The following PCTP variants were observed in gnomAD, a reference collection of about 807,000 sequenced individuals.
PCTP encodes the protein START domain-containing protein 2.
In PCTP, 27 loss-of-function variants were observed where a neutral mutation model predicts 31.0. That is an observed-to-expected ratio of 0.87 (90% confidence interval 0.64 to 1.20). PCTP has a LOEUF of 1.20. Among genes scored for constraint, PCTP ranks in the 50% most tolerant of loss-of-function variants. The pLI is 0.00. For synonymous variants in PCTP, 108 were observed against 101.2 expected (o/e 1.07, Z -0.40); for missense variants, 287 against 268.2 (o/e 1.07, Z -0.49).
chr17:55,760,652 A>G (rs1030572162), intron 1 of PCTP, among the ~76,000 whole-genome samples: 2 of 152,186 alleles, frequency 1.3e-5, no homozygotes, highest in African/African-American at 4.8e-5. Context: ...GATAATATTC[A>G]TCTTTCTCTA....
intron 1 of PCTP, among the ~76,000 whole-genome samples, chr17:55,760,382 G>A (rs1300098637): frequency 1.3e-5 from 2 of 152,128 alleles, no homozygotes; most frequent in Non-Finnish European, 2.9e-5. Flanking sequence ...TATTTACTAA[G>A]TACTTATTAT....
At chr17:55,763,481 A>G (rs1006885918) in intron 1 of PCTP, among the ~76,000 whole-genome samples, 13 of 152,040 alleles carry the variant, frequency 8.6e-5, no homozygotes, top group Admixed American at 7.2e-4. Context: ...ATTATTCTAT[A>G]CAAACATAAA....
chr17:55,834,223 A>T (rs1905703299), intron 5 of PCTP, among the ~76,000 whole-genome samples: 1 of 152,154 alleles, frequency 6.6e-6, no homozygotes, highest in African/African-American at 2.4e-5. Context: ...GTTCTGAGGT[A>T]CATGTGCAGG....
At chr17:55,821,747 T>C (rs1305962139) in intron 3 of PCTP, among the ~76,000 whole-genome samples, 1 of 152,216 alleles carries the variant, frequency 6.6e-6, no homozygotes, top group South Asian at 2.1e-4. Context: ...AGTTAGGATT[T>C]TAACTCATTT....
chr17:55,847,777 C>A (rs1399824568), downstream of PCTP, among the ~76,000 whole-genome samples: 3 of 152,088 alleles, frequency 2.0e-5, no homozygotes, highest in Admixed American at 2.0e-4. Context: ...GGGGGGTCAG[C>A]CTTTTTGTTC....
Position 55,789,360 on chromosome 17 carries a change from C to A in PCTP, c.317+1706C>A, listed in dbSNP as rs377474372. Among the ~76,000 whole-genome samples, 27 of 152,270 alleles carry A rather than the reference C, an allele frequency of 1.8e-4. 2 individuals are homozygous for A. Among genetic ancestry groups the A allele is most frequent in the South Asian group, 1.0e-3 (5 of 4,822 alleles). ...TCAGAAGATATGAATTCATCCATAA[C>A]CTTCAAGTTTCCTTTTTGTTCAGAT... On this transcript the variant is annotated intron_variant, in intron 3 of 3. Transcript: ENST00000572536.
intron 2 of PCTP, among the ~76,000 whole-genome samples, chr17:55,787,119 G>A (rs1309500509): frequency 6.6e-6 from 1 of 151,474 alleles, no homozygotes; most frequent in Non-Finnish European, 1.5e-5. Context: ...GACTACCTCC[G>A]AACATCGATC....
chr17:55,794,747 C>A (rs977173079), intron 3 of PCTP, among the ~76,000 whole-genome samples: 49 of 151,952 alleles, frequency 3.2e-4, no homozygotes, highest in Non-Finnish European at 5.7e-4. Flanking sequence ...CATTTTGACC[C>A]TTTGTGTGAG....
chr17:55,850,596 T>C, the PCTP span, among the ~76,000 whole-genome samples: 1 of 145,520 alleles, frequency 6.9e-6, no homozygotes, highest in African/African-American at 2.6e-5. Flanking sequence ...CTAGCATTTA[T>C]GCAAAGATCT....
chr17:55,817,455 T>TG (rs1912961325), intron 3 of PCTP, among the ~76,000 whole-genome samples: 3 of 152,204 alleles, frequency 2.0e-5, no homozygotes, highest in Non-Finnish European at 4.4e-5. Flanking sequence ...GAAATGACCA[T>TG]CTTGTGCTTT....
rs538195548 is a variant in PCTP at position 55,812,689 on chromosome 17, G to A, written c.318-10072G>A. Among the ~76,000 whole-genome samples the A allele has an allele frequency of 2.0e-5, 3 of 152,338 alleles. No individual in the cohort carries two copies. In the South Asian group the frequency reaches 6.2e-4, roughly 32 times the overall value. ...GAACGTTACACTCACAGACTCTGAG[G>A]AAGATGATGGATTTGTTGAGATGGA... is the stretch of plus-strand genomic sequence containing the variant. On this transcript the variant is annotated intron_variant, in intron 3 of 3. Transcript: ENST00000572536.
chr17:55,751,078 G>A lies in PCTP; in HGVS notation c.-26G>A. ...AAGGGTGTCCGCGGCCTGCCCTCCA[G>A]GCGGAGGAGCCCGGACTGCGGAAGG... is the stretch of plus-strand genomic sequence containing the variant. On this transcript the variant is annotated 5_prime_UTR_variant, in exon 1 of 6. Coordinates refer to ENST00000268896, the MANE Select transcript of PCTP (RefSeq NM_021213.4). 7 of 1,509,596 alleles carry A rather than the reference G, an allele frequency of 4.6e-6. No homozygotes were observed. Among genetic ancestry groups the A allele is most frequent in the Non-Finnish European group, 6.2e-6 (7 of 1,130,298 alleles). 93.5% of individuals were successfully genotyped at this position (1,509,596 alleles called of 1,614,324 possible). A position where few individuals can be genotyped will look rare whatever the true frequency, so the allele number is the denominator to read the frequency against.
chr17:55,763,352 G>A lies in PCTP; in HGVS notation c.142-3983G>A, dbSNP rs1410079560. On this transcript the variant is annotated intron_variant, in intron 1 of 5. Transcript: ENST00000268896. ...GAACTGGTGAGAGTACACACTTGGTGCACACGTTCTGCAAGGTTTGTAAAA... is the reference window on the plus strand; with the variant it reads ...GAACTGGTGAGAGTACACACTTGGTACACACGTTCTGCAAGGTTTGTAAAA... Among the ~76,000 whole-genome samples the A allele has an allele frequency of 6.6e-5, 10 of 152,132 alleles. No homozygotes were observed. The East Asian group carries it at 1.5e-3, about 24-fold the overall frequency.
chr17:55,788,341 G>T (rs117872203), intron 3 of PCTP, among the ~76,000 whole-genome samples: 1,875 of 152,188 alleles, frequency 0.012, 16 homozygotes, highest in Non-Finnish European at 0.017. Flanking sequence ...GTGAATTGTG[G>T]TTCCTTCCTT....
intron 2 of PCTP, chr17:55,769,375 C>T (rs1405244416): frequency 6.6e-6 from 1 of 152,248 alleles, no homozygotes; most frequent in African/African-American, 2.4e-5. Context: ...AACAGCCAGA[C>T]ACTGTCTGTC....
rs1478831505 is a variant in PCTP, at chr17:55,776,026, C to T, written c.580-9C>T. ...AGACATAGAAATGACAGTCTCATTT[C>T]CTTTGCAGAATGGAGTTCCTAACTT... On this transcript the variant is annotated splice_polypyrimidine_tract_variant and intron_variant, in intron 5 of 5. Transcript: ENST00000268896. 6.2e-7 allele frequency: 1 copy of T among 1,613,774 alleles called. No homozygotes were observed. Among genetic ancestry groups the T allele is most frequent in the Non-Finnish European group, 8.5e-7 (1 of 1,179,890 alleles).
At chr17:55,780,599 C>T (rs1202313587), downstream of PCTP, among the ~76,000 whole-genome samples, 2 of 152,212 alleles carry the variant, frequency 1.3e-5, no homozygotes, top group East Asian at 3.8e-4. Context: ...ATGTAGTCCA[C>T]TGCTTAGCAA....
intron 3 of PCTP, among the ~76,000 whole-genome samples, chr17:55,815,885 C>T (rs1912899092): frequency 6.6e-6 from 1 of 152,162 alleles, no homozygotes; most frequent in Admixed American, 6.5e-5. Flanking sequence ...TAAACAAGAC[C>T]TCTCATCTTT....
At chr17:55,849,509 GCTACT>G in the PCTP span, among the ~76,000 whole-genome samples, 1 of 152,136 alleles carries the variant, frequency 6.6e-6, no homozygotes, top group Non-Finnish European at 1.5e-5. Context: ...TGTAATCCCA[GCTACT>G]CAGGAGGCTG....
Sources: gnomAD v4.1 joint callset for allele counts (sites outside exome capture counted in the v4.1 genomes callset) on GRCh38, gnomAD v4.1.1 for gene constraint, MANE v1.5 for transcripts, NCBI Gene and HGNC (gene_info 2026-07-23, HGNC 2026-07-21) for gene names.